SEMA3A: variants seen among roughly 807,000 people sequenced by gnomAD.
SEMA3A encodes the protein semaphorin-3A.
In SEMA3A, 29 loss-of-function variants were observed where a neutral mutation model predicts 97.9. That is an observed-to-expected ratio of 0.30 (90% CI 0.22 to 0.40). The LOEUF is 0.40. SEMA3A is among the 10% of genes least tolerant of loss of function. The pLI is 1.00. For missense variants in SEMA3A, 763 were observed against 951.3 expected (o/e 0.80, Z 2.60); for synonymous variants, 321 against 323.7 (o/e 0.99, Z 0.09).
At chr7:84,462,631 T>C (rs1442668131) in intron 1 of SEMA3A, among the ~76,000 whole-genome samples, 1 of 152,108 alleles carries the variant, frequency 6.6e-6, no homozygotes, top group African/African-American at 2.4e-5. Flanking sequence ...TTATTTTGAG[T>C]GGATCTGTAA....
chr7:84,251,139 T>A (rs372879206), intron 3 of SEMA3A, among the ~76,000 whole-genome samples: 1 of 152,244 alleles, frequency 6.6e-6, no homozygotes, highest in East Asian at 1.9e-4. Flanking sequence ...ATGTCAAATT[T>A]CAACATATCT....
intron 1 of SEMA3A, among the ~76,000 whole-genome samples, chr7:84,161,448 C>T (rs1205714284): frequency 6.6e-6 from 1 of 152,102 alleles, no homozygotes; most frequent in African/African-American, 2.4e-5. Context: ...GTCTATAGTA[C>T]AAATCATCCC....
chr7:83,991,844 T>C (rs1789956335), intron 12 of SEMA3A, among the ~76,000 whole-genome samples: 1 of 143,192 alleles, frequency 7.0e-6, no homozygotes, highest in Admixed American at 7.1e-5. Flanking sequence ...TAAAATGAGT[T>C]AGGGAGGATT....
intron 1 of SEMA3A, among the ~76,000 whole-genome samples, chr7:84,450,063 C>T (rs1805517501): frequency 6.6e-6 from 1 of 152,084 alleles, no homozygotes. Flanking sequence ...ATATCTCTTC[C>T]AGATTCTGAC....
intron 15 of SEMA3A, among the ~76,000 whole-genome samples, chr7:83,974,015 G>A (rs1467619752): frequency 1.3e-5 from 2 of 150,560 alleles, no homozygotes; most frequent in African/African-American, 4.9e-5. Flanking sequence ...TCATTTTCTT[G>A]AGTACAAAGT....
At chr7:84,004,597 A>G (rs1790589438) in intron 11 of SEMA3A, among the ~76,000 whole-genome samples, 1 of 152,174 alleles carries the variant, frequency 6.6e-6, no homozygotes, top group Non-Finnish European at 1.5e-5. Flanking sequence ...TTTGAGTAAT[A>G]TATCTTTGTT....
rs367726031 is a variant in SEMA3A at position 84,263,249 on chromosome 7, C to T, written c.-83+43958G>A. ...GAATTTGTGCTCTTATTCAGTCTTG[C>T]GGACAAAGAGCCGGCATGTGTAGGT... On this transcript the variant is annotated intron_variant, in intron 3 of 3. Transcript: ENST00000424555. 9.2e-5 allele frequency among the ~76,000 whole-genome samples: 14 copies of T among 152,184 alleles called. 1 individual carries two copies. The highest frequency in any genetic ancestry group is 1.3e-4 in the Admixed American group (2 of 15,284).
intron 2 of SEMA3A, among the ~76,000 whole-genome samples, chr7:84,314,645 A>G (rs1248002330): frequency 6.6e-6 from 1 of 152,208 alleles, no homozygotes. Flanking sequence ...ATTTGTTACC[A>G]TAGTACGACT....
At chr7:83,985,327 T>G (rs1212847336) in intron 13 of SEMA3A, 109 bp downstream of exon 13, 2 of 768,996 alleles carry the variant, frequency 2.6e-6, no homozygotes, top group East Asian at 5.3e-5. Context: ...CTCCTGTATT[T>G]TTGTATAATT....
intron 3 of SEMA3A, among the ~76,000 whole-genome samples, chr7:84,219,448 C>A (rs916461897): frequency 2.6e-5 from 4 of 152,118 alleles, no homozygotes; most frequent in Non-Finnish European, 5.9e-5. Context: ...CTGAGGAAGT[C>A]TGGCCTCATC....
chr7:84,104,016 T>A (rs764498132), intron 4 of SEMA3A, among the ~76,000 whole-genome samples: 4 of 152,056 alleles, frequency 2.6e-5, no homozygotes, highest in Admixed American at 6.6e-5. Flanking sequence ...GATAAATAAC[T>A]CCAGTGACTG....
At chr7:84,300,285 C>A (rs1800978908) in intron 3 of SEMA3A, among the ~76,000 whole-genome samples, 1 of 151,770 alleles carries the variant, frequency 6.6e-6, no homozygotes, top group Non-Finnish European at 1.5e-5. Flanking sequence ...TACACATATA[C>A]ACATCTTGAT....
chr7:84,395,856 C>A (rs908030062), intron 1 of SEMA3A, among the ~76,000 whole-genome samples: 1 of 152,014 alleles, frequency 6.6e-6, no homozygotes, highest in Non-Finnish European at 1.5e-5. Flanking sequence ...CTTGATATTT[C>A]TTCATAGCAG....
At chr7:83,985,810 A>G (rs1335644266) in intron 12 of SEMA3A, among the ~76,000 whole-genome samples, 1 of 152,134 alleles carries the variant, frequency 6.6e-6, no homozygotes, top group Non-Finnish European at 1.5e-5. Context: ...GACTTGTGTT[A>G]GGTGATTGGG....
intron 3 of SEMA3A, among the ~76,000 whole-genome samples, chr7:84,291,410 T>A (rs932181934): frequency 2.6e-5 from 4 of 152,088 alleles, no homozygotes; most frequent in Non-Finnish European, 5.9e-5. Flanking sequence ...GACTAAGGAT[T>A]ATCAGTGGTG....
chr7:84,201,069 T>C (rs750612150), intron 3 of SEMA3A, among the ~76,000 whole-genome samples: 4 of 152,070 alleles, frequency 2.6e-5, no homozygotes, highest in Non-Finnish European at 5.9e-5. Flanking sequence ...CTACACTAAA[T>C]AAACAAAGTG....
At chr7:84,039,258 T>A (rs2372020) in intron 6 of SEMA3A, among the ~76,000 whole-genome samples, 7,778 of 152,154 alleles carry the variant, frequency 0.051, 296 homozygotes, top group East Asian at 0.19. Context: ...AAACCATAAA[T>A]GTGTGGCAAA....
chr7:84,067,299 G>C (rs1020601486), intron 4 of SEMA3A, among the ~76,000 whole-genome samples: 8 of 152,186 alleles, frequency 5.3e-5, no homozygotes, highest in Middle Eastern at 3.4e-3. Flanking sequence ...TTAAACGTTT[G>C]ACCTAAAACC....
intron 3 of SEMA3A, among the ~76,000 whole-genome samples, chr7:84,246,485 A>G (rs2115587933): frequency 6.6e-6 from 1 of 152,300 alleles, no homozygotes; most frequent in South Asian, 2.1e-4. Context: ...AAAATGACTA[A>G]CACCCCCAAA....
Sources: allele counts gnomAD v4.1 joint callset (sites outside exome capture counted in the v4.1 genomes callset), GRCh38; gene constraint gnomAD v4.1.1; transcripts MANE v1.5; gene names NCBI Gene and HGNC (gene_info 2026-07-23, HGNC 2026-07-21).